LTA4H: variants seen among roughly 807,000 people sequenced by gnomAD.
LTA4H encodes the protein leukotriene A-4 hydrolase.
LTA4H carries 59 observed loss-of-function variants against 89.8 expected under a neutral mutation model. The observed-to-expected ratio is 0.66, with a 90% CI of 0.53 to 0.82. The LOEUF is 0.82. LTA4H is among the 40% of genes least tolerant of loss of function. The pLI is 0.00. For missense variants in LTA4H, 617 were observed against 727.0 expected, an observed-to-expected ratio of 0.85 and a Z score of 1.74; for synonymous variants, 227 against 253.1, an observed-to-expected ratio of 0.90 and a Z score of 0.98.
At chr12:96,002,861 A>G in intron 18 of LTA4H, 99 bp downstream of exon 18, 1 of 781,548 alleles carries the variant, frequency 1.3e-6, no homozygotes, top group Non-Finnish European at 2.1e-6. Context: ...AAACTTTAAC[A>G]AATTAAAAAA....
intron 1 of LTA4H, among the ~76,000 whole-genome samples, chr12:96,030,322 T>A (rs1326499371): frequency 6.6e-6 from 1 of 152,184 alleles, no homozygotes; most frequent in Non-Finnish European, 1.5e-5. Flanking sequence ...TCCCTAGCTC[T>A]TACTCATGCC....
Position 96,013,232 on chromosome 12 carries a change from C to T in LTA4H, c.1335G>A (p.Trp445Ter). ...GTCCAGGAGAGTAGAGCCAGGCATT[C>T]CAATCAACTTGATTGAGAACATCAA... ...DKVDVLNQVD[W>*]NAWLYSPGLP... The change falls in exon 14 of 19, where the codon TGG (tryptophan) becomes TGA (stop). Residue 445 changes from tryptophan to a stop codon, truncating the protein, a stop_gained. Coordinates refer to ENST00000228740, the MANE Select transcript of LTA4H (RefSeq NM_000895.3). LOFTEE classifies it high-confidence loss of function. The T allele has an allele frequency of 6.2e-7, 1 of 1,613,516 alleles. No individual in the cohort carries two copies. Among genetic ancestry groups the T allele is most frequent in the Non-Finnish European group, 8.5e-7 (1 of 1,179,564 alleles).
upstream of LTA4H, among the ~76,000 whole-genome samples, chr12:96,036,099 T>C (rs560776584): frequency 6.0e-5 from 9 of 149,982 alleles, no homozygotes; most frequent in South Asian, 2.0e-3. Flanking sequence ...GGAGGCACAG[T>C]AATTGTTTTT....
chr12:96,041,877 G>C (rs1420735528), intron 1 of LTA4H, among the ~76,000 whole-genome samples: 1 of 151,972 alleles, frequency 6.6e-6, no homozygotes, highest in East Asian at 1.9e-4. Context: ...TCCTGACCTC[G>C]TGATCCGCCC....
upstream of LTA4H, among the ~76,000 whole-genome samples, chr12:96,036,847 C>T (rs529299188): frequency 6.6e-6 from 1 of 152,302 alleles, no homozygotes; most frequent in Admixed American, 6.5e-5. Context: ...AAGCATAGCT[C>T]CAGTATGCTT....
chr12:96,031,127 C>T (rs1019206511), intron 1 of LTA4H, among the ~76,000 whole-genome samples: 3 of 152,110 alleles, frequency 2.0e-5, no homozygotes, highest in African/African-American at 7.2e-5. Context: ...GTTTTGATAT[C>T]CCCTGTGTCT....
intron 18 of LTA4H, among the ~76,000 whole-genome samples, chr12:96,001,914 A>G (rs1950110689): frequency 6.6e-6 from 1 of 151,940 alleles, no homozygotes; most frequent in South Asian, 2.1e-4. Flanking sequence ...CTGGAGAGCA[A>G]TGGCGCAATC....
At chr12:96,017,649 C>A in intron 8 of LTA4H, 69 bp from the exon 9 acceptor site, 1 of 1,122,444 alleles carries the variant, frequency 8.9e-7, no homozygotes, top group South Asian at 1.3e-5. Context: ...GACTGCCTAC[C>A]TAAATACTTA....
chr12:96,017,827 T>G (rs1385200433), intron 8 of LTA4H, among the ~76,000 whole-genome samples: 1 of 152,246 alleles, frequency 6.6e-6, no homozygotes, highest in Non-Finnish European at 1.5e-5. Context: ...AGTCTATTTG[T>G]GTCTAACTTC....
rs1274132439 is a variant in LTA4H, at chr12:96,020,960, TTC to T, written c.638+123_638+124del. 5 of 734,452 alleles carry T rather than the reference TTC, an allele frequency of 6.8e-6. No homozygotes were observed. In the African/African-American group the frequency reaches 9.3e-5, roughly 14 times the overall value. 45.5% of individuals were successfully genotyped at this position (734,452 alleles called of 1,614,324 possible). A position where few individuals can be genotyped will look rare whatever the true frequency, so the allele number is the denominator to read the frequency against. The stretch of plus-strand genomic sequence containing the variant: ...TTGCCTACATTTTAGATTTGAATTT[TTC>T]TAGAGCTGTCAGCTTGATATCTTGA... On this transcript the variant is annotated intron_variant, in intron 6 of 18. Coordinates refer to ENST00000228740, the MANE Select transcript of LTA4H (RefSeq NM_000895.3).
At chr12:96,036,356 G>A (rs533876530), upstream of LTA4H, among the ~76,000 whole-genome samples, 1 of 152,224 alleles carries the variant, frequency 6.6e-6, no homozygotes, top group African/African-American at 2.4e-5. Context: ...CCTTTAGGGT[G>A]GGGCCTCAAA....
At chr12:96,017,205 T>A in intron 9 of LTA4H, 91 bp from the exon 10 acceptor site, 1 of 906,436 alleles carries the variant, frequency 1.1e-6, no homozygotes, top group South Asian at 1.5e-5. Context: ...ATTCAATTTT[T>A]AAAAAATATT....
In LTA4H at chr12:96,006,845, A is replaced by G. The variant is rs112107983; in HGVS notation, c.1435-436T>C. On this transcript the variant is annotated intron_variant, in intron 15 of 18. Transcript: ENST00000228740. ...CTAATGTTTTCCTCCATCCCCACATATTCTGTTTTCCCCACTTAATCTTAG... is the reference window on the plus strand; with the variant it reads ...CTAATGTTTTCCTCCATCCCCACATGTTCTGTTTTCCCCACTTAATCTTAG... Among the ~76,000 whole-genome samples the G allele has an allele frequency of 4.8e-4, 73 of 152,306 alleles. 1 individual carries two copies. Among genetic ancestry groups the G allele is most frequent in the African/African-American group, 1.5e-3 (64 of 41,572 alleles).
At chr12:96,032,550 T>C (rs1950587087) in intron 1 of LTA4H, among the ~76,000 whole-genome samples, 1 of 152,138 alleles carries the variant, frequency 6.6e-6, no homozygotes, top group Non-Finnish European at 1.5e-5. Flanking sequence ...CACAATCTAG[T>C]GGAGGAAAGA....
rs1223420974 is a variant in LTA4H, at chr12:96,023,223, T to C, written c.481-972A>G. 2.6e-5 allele frequency among the ~76,000 whole-genome samples: 4 copies of C among 152,164 alleles called. No homozygotes were observed. The East Asian group carries it at 5.8e-4, about 22-fold the overall frequency. ...ACTGAGGCAGGCACAGAATTAGAAG[T>C]TCCTGAACCAGTGCTACAACAATTG... is the stretch of plus-strand genomic sequence containing the variant. On this transcript the variant is annotated intron_variant, in intron 4 of 18. Transcript: ENST00000228740.
intron 16 of LTA4H, among the ~76,000 whole-genome samples, chr12:96,005,942 T>A (rs1440238412): frequency 1.3e-5 from 2 of 152,128 alleles, no homozygotes; most frequent in Admixed American, 1.3e-4. Flanking sequence ...GAGACGAGAT[T>A]TCATCATGTT....
At chr12:96,039,663 T>C (rs1950673692), upstream of LTA4H, among the ~76,000 whole-genome samples, 1 of 152,188 alleles carries the variant, frequency 6.6e-6, no homozygotes, top group African/African-American at 2.4e-5. Context: ...GCAAAACAAG[T>C]CACACCAAAT....
At chr12:96,025,937 C>G (rs1202563023) in intron 3 of LTA4H, among the ~76,000 whole-genome samples, 1 of 152,076 alleles carries the variant, frequency 6.6e-6, no homozygotes. Context: ...TTGAGACAGT[C>G]TACTAAACTC....
At position 96,027,564 on chromosome 12, in the gene LTA4H, T is replaced by C; in HGVS notation, c.291A>G (p.Lys97=). ...AAATTTCTATAACAATTTCTTGATT[T>C]CTGTATGAAACACATAAATATATTA... ...MEISLPIALS[K]NQEIVIEISF... is the part of the protein sequence containing the mutation. Residue 97 remains lysine, a splice_region_variant and synonymous_variant, in exon 3 of 19, where the codon AAA becomes AAG. Transcript: ENST00000228740. The C allele has an allele frequency of 6.4e-7, 1 of 1,569,758 alleles. No homozygotes were observed. The highest frequency in any genetic ancestry group is 8.7e-7 in the Non-Finnish European group (1 of 1,144,088).
Sources: allele counts gnomAD v4.1 joint callset (sites outside exome capture counted in the v4.1 genomes callset), GRCh38; gene constraint gnomAD v4.1.1; transcripts MANE v1.5; gene names NCBI Gene and HGNC (gene_info 2026-07-23, HGNC 2026-07-21).